DENND1B: variants seen among roughly 807,000 people sequenced by gnomAD.
The protein encoded by DENND1B is DENN domain containing 1B, also known as DENN domain-containing protein 1B.
DENND1B carries 59 observed loss-of-function variants against 90.1 expected under a neutral mutation model. The ratio of observed to expected loss-of-function variants is 0.65; its 90% CI spans 0.53 to 0.81. The LOEUF (loss-of-function observed/expected upper bound fraction) is 0.81, where lower values mean the gene tolerates loss of function less well. Ranked by LOEUF, DENND1B falls within the 40% of genes least tolerant of loss-of-function variation. The pLI is 0.00. For missense variants in DENND1B, 862 were observed against 912.6 expected (o/e 0.94, Z 0.71); for synonymous variants, 337 against 324.6 (o/e 1.04, Z -0.41).
At chr1:197,720,171 T>C (rs1238637572) in intron 2 of DENND1B, among the ~76,000 whole-genome samples, 1 of 152,244 alleles carries the variant, frequency 6.6e-6, no homozygotes, top group East Asian at 1.9e-4. Flanking sequence ...GATAAGCATG[T>C]AATTTAATAA....
intron 2 of DENND1B, among the ~76,000 whole-genome samples, chr1:197,754,659 CAAAAAAAAAAA>C (rs57926782): frequency 3.3e-4 from 24 of 72,880 alleles, no homozygotes; most frequent in East Asian, 1.2e-3. Context: ...GACTCTGTCT[CAAAAAAAAAAA>C]AAAAAAAAAA....
intron 20 of DENND1B, among the ~76,000 whole-genome samples, chr1:197,526,515 A>C (rs1669141769): frequency 6.6e-6 from 1 of 152,116 alleles, no homozygotes; most frequent in African/African-American, 2.4e-5. Context: ...TGTAAAGTCT[A>C]GAATGGTAGT....
chr1:197,735,774 C>T, intron 2 of DENND1B: 3 of 1,611,436 alleles, frequency 1.9e-6, no homozygotes, highest in Non-Finnish European at 2.5e-6. Context: ...GGGGAATCCT[C>T]GGCAGATAAG....
chr1:197,764,374 A>G (rs1251182568), intron 2 of DENND1B, among the ~76,000 whole-genome samples: 1 of 152,230 alleles, frequency 6.6e-6, no homozygotes, highest in African/African-American at 2.4e-5. Flanking sequence ...TATGTAGAAC[A>G]TCTAACTGGA....
chr1:197,749,173 C>T (rs1314219420), intron 2 of DENND1B, among the ~76,000 whole-genome samples: 1 of 151,890 alleles, frequency 6.6e-6, no homozygotes, highest in African/African-American at 2.4e-5. Context: ...GTCTAACACA[C>T]ATGAACTGTG....
chr1:197,572,406 G>A (rs755649747), intron 15 of DENND1B, among the ~76,000 whole-genome samples: 2 of 152,164 alleles, frequency 1.3e-5, no homozygotes, highest in Non-Finnish European at 2.9e-5. Context: ...GTAAATAAAG[G>A]GGCCGGGAAG....
At position 197,507,011 on chromosome 1, in the gene DENND1B, T is replaced by C. The variant is rs1395497811; in HGVS notation, c.*3449A>G. 1 of 151,182 alleles carries C rather than the reference T, an allele frequency of 6.6e-6. No homozygotes were observed. The highest frequency in any genetic ancestry group is 1.5e-5 in the Non-Finnish European group (1 of 67,532). 9.4% of individuals were successfully genotyped at this position (151,182 alleles called of 1,614,324 possible). A position where few individuals can be genotyped will look rare whatever the true frequency, so the allele number is the denominator to read the frequency against. ...CAGCATAATATACTTAGCATAATAA[T>C]TGAGAAAGTTAATGAAATTAGAAAT... On this transcript the variant is annotated 3_prime_UTR_variant, in exon 23 of 23. Transcript: ENST00000620048.
chr1:197,670,443 CTGTGTGTGTG>C (rs60648023), intron 5 of DENND1B, among the ~76,000 whole-genome samples: 12 of 99,538 alleles, frequency 1.2e-4, no homozygotes, highest in Admixed American at 4.3e-4. Context: ...GGGGGGAAGA[CTGTGTGTGTG>C]TGTGTGTGTG....
intron 2 of DENND1B, among the ~76,000 whole-genome samples, chr1:197,770,248 A>T (rs1303249585): frequency 6.6e-6 from 1 of 152,162 alleles, no homozygotes; most frequent in Non-Finnish European, 1.5e-5. Context: ...ACCATTTATC[A>T]TATTTACAAC....
Position 197,617,713 on chromosome 1 carries a change from T to A in DENND1B, c.719A>T (p.Tyr240Phe), listed in dbSNP as rs371820117. ...CACTGGGATGTATATGTGTTGCCAA[T>A]ACATTGGGTATAGAAGAGCAGCTGA... ...HGSAALLYPM[Y>F]WQHIYIPVLP... The change falls in exon 11 of 23, where the codon TAT becomes TTT. Residue 240 changes from tyrosine to phenylalanine, a missense_variant. Physicochemically the swap from Tyr to Phe is conservative, Grantham distance 22. Transcript: ENST00000620048. 3.3e-4 allele frequency: 536 copies of A among 1,607,660 alleles called. No individual in the cohort carries two copies. The highest frequency in any genetic ancestry group is 4.1e-4 in the Non-Finnish European group (486 of 1,175,620).
intron 22 of DENND1B, 63 bp from the exon 23 acceptor site, chr1:197,511,035 T>G (rs974258718): frequency 3.7e-5 from 52 of 1,390,394 alleles, no homozygotes; most frequent in Non-Finnish European, 4.2e-5. Flanking sequence ...TAGTTCTTTT[T>G]TCTCTTTTGA....
At chr1:197,593,527 G>T (rs984968971) in intron 14 of DENND1B, among the ~76,000 whole-genome samples, 4 of 151,632 alleles carry the variant, frequency 2.6e-5, no homozygotes, top group African/African-American at 7.3e-5. Context: ...TGGCTTTCAA[G>T]ATTTTTTTTT....
intron 10 of DENND1B, among the ~76,000 whole-genome samples, chr1:197,634,566 A>G (rs1463384857): frequency 6.6e-6 from 1 of 152,234 alleles, no homozygotes; most frequent in Admixed American, 6.5e-5. Flanking sequence ...TGAATCTGAA[A>G]AGGGTTTAAG....
intron 5 of DENND1B, among the ~76,000 whole-genome samples, chr1:197,662,819 C>T (rs1654549816): frequency 6.6e-6 from 1 of 152,014 alleles, no homozygotes; most frequent in African/African-American, 2.4e-5. Context: ...ATGTCCTATC[C>T]ACTGAAGCAA....
At chr1:197,552,308 TA>T (rs1447360634) in intron 16 of DENND1B, 1 of 982,468 alleles carries the variant, frequency 1.0e-6, no homozygotes, top group Admixed American at 6.2e-5. Flanking sequence ...GAACAGTGCC[TA>T]ATACATTGTA....
At chr1:197,629,865 A>G (rs1679169027) in intron 10 of DENND1B, among the ~76,000 whole-genome samples, 1 of 152,100 alleles carries the variant, frequency 6.6e-6, no homozygotes, top group Middle Eastern at 3.4e-3. Context: ...AAAACAAACA[A>G]CCCAATTAAG....
chr1:197,617,573 GCCC>G (rs1677770479), intron 11 of DENND1B, 83 bp downstream of exon 11: 1 of 882,568 alleles, frequency 1.1e-6, no homozygotes, highest in Non-Finnish European at 1.8e-6. Context: ...TTTTAAATAT[GCCC>G]CCAAGTTTAC....
At chr1:197,547,264 T>A (rs550946578) in intron 16 of DENND1B, among the ~76,000 whole-genome samples, 1 of 144,728 alleles carries the variant, frequency 6.9e-6, no homozygotes, top group South Asian at 2.2e-4. Context: ...CAAGACCCCA[T>A]CTCTTTTTTT....
At chr1:197,529,775 A>T (rs1367167023) in intron 20 of DENND1B, among the ~76,000 whole-genome samples, 1 of 152,196 alleles carries the variant, frequency 6.6e-6, no homozygotes, top group Non-Finnish European at 1.5e-5. Context: ...ATGTTATCTT[A>T]TATTTTTCAC....
Sources: allele counts gnomAD v4.1 joint callset (sites outside exome capture counted in the v4.1 genomes callset), GRCh38; gene constraint gnomAD v4.1.1; transcripts MANE v1.5; gene names NCBI Gene and HGNC (gene_info 2026-07-23, HGNC 2026-07-21).